The following TMEM41B variants were observed in gnomAD, a reference collection of about 807,000 sequenced individuals.
TMEM41B encodes the protein transmembrane protein 41B, also known as protein stasimon.
TMEM41B carries 18 observed loss-of-function variants against 31.9 expected under a neutral mutation model. That is an observed-to-expected ratio of 0.56 (90% CI 0.39 to 0.84). The LOEUF is 0.84. Among genes scored for constraint, TMEM41B ranks in the 40% least tolerant of loss-of-function variants. The pLI is 0.00. For missense variants in TMEM41B, 322 were observed against 348.0 expected (o/e 0.93, Z 0.59); for synonymous variants, 144 against 124.3 (o/e 1.16, Z -1.05).
chr11:9,308,599 C>T (rs1853457391), intron 1 of TMEM41B, among the ~76,000 whole-genome samples: 1 of 152,186 alleles, frequency 6.6e-6, no homozygotes, highest in Admixed American at 6.6e-5. Context: ...TCACTTTCTT[C>T]CTTCCTACAT....
intron 1 of TMEM41B, among the ~76,000 whole-genome samples, chr11:9,310,655 CTTT>C (rs36061977): frequency 0.026 from 2,843 of 109,152 alleles, 124 homozygotes; most frequent in African/African-American, 0.088. Flanking sequence ...GTTAAGAGCC[CTTT>C]TTTTTTTTTT....
At chr11:9,304,050 A>G (rs1279064395) in intron 1 of TMEM41B, among the ~76,000 whole-genome samples, 1 of 152,142 alleles carries the variant, frequency 6.6e-6, no homozygotes, top group Non-Finnish European at 1.5e-5. Context: ...TACTTATGAA[A>G]TTTACTGCAG....
intron 1 of TMEM41B, among the ~76,000 whole-genome samples, chr11:9,310,280 C>A (rs952180631): frequency 6.6e-6 from 1 of 151,874 alleles, no homozygotes; most frequent in African/African-American, 2.4e-5. Context: ...ATGTTCCGCC[C>A]GCCTCGGCCT....
chr11:9,309,300 C>A (rs1028470687), intron 1 of TMEM41B, among the ~76,000 whole-genome samples: 8 of 151,904 alleles, frequency 5.3e-5, no homozygotes, highest in African/African-American at 1.9e-4. Flanking sequence ...GCAACTGGCT[C>A]CAGCCTGATG....
intron 2 of TMEM41B, among the ~76,000 whole-genome samples, chr11:9,298,616 A>T (rs1350933738): frequency 1.3e-5 from 2 of 151,990 alleles, no homozygotes; most frequent in African/African-American, 4.8e-5. Context: ...AAATACAAAA[A>T]TTAGCCAGCC....
intron 1 of TMEM41B, chr11:9,311,169 G>A (rs566881306): frequency 4.9e-6 from 6 of 1,230,256 alleles, no homozygotes; most frequent in Non-Finnish European, 6.5e-6. Context: ...TCAGGCGGGG[G>A]TAGGGTGTGG....
chr11:9,299,602 T>G lies in TMEM41B; in HGVS notation c.221A>C (p.Asn74Thr). 6.2e-7 allele frequency: 1 copy of G among 1,609,912 alleles called. No homozygotes were observed. Among genetic ancestry groups the G allele is most frequent in the Non-Finnish European group, 8.5e-7 (1 of 1,177,850 alleles). The stretch of plus-strand genomic sequence containing the variant: ...TACTTACTCACTAAGCTGAGGAAAA[T>G]TTTTATATACCAAAAACATAACAAA... ...AAFVMFLVYK[N>T]FPQLSEEERV... The change falls in exon 2 of 7, where the codon AAT (asparagine) becomes ACT (threonine). Residue 74 changes from asparagine (N) to threonine (T), a missense_variant. By Grantham distance (65) the Asn-to-Thr change is moderately conservative. Coordinates refer to ENST00000528080, the MANE Select transcript of TMEM41B (RefSeq NM_015012.4).
intron 3 of TMEM41B, among the ~76,000 whole-genome samples, chr11:9,294,180 CAAAAAAAAAAAAAAAAA>C (rs538372314): frequency 4.1e-5 from 3 of 73,452 alleles, no homozygotes; most frequent in Non-Finnish European, 4.8e-5. Flanking sequence ...GAACCTGTCT[CAAAAAAAAAAAAAAAAA>C]AAAAAAAAAA....
chr11:9,298,942 G>A (rs1853168908), intron 2 of TMEM41B, among the ~76,000 whole-genome samples: 1 of 151,838 alleles, frequency 6.6e-6, no homozygotes, highest in South Asian at 2.1e-4. Context: ...ATACCAGGGT[G>A]GTATTACTAG....
At chr11:9,289,332 T>G (rs1852903460) in intron 3 of TMEM41B, among the ~76,000 whole-genome samples, 2 of 152,132 alleles carry the variant, frequency 1.3e-5, no homozygotes, top group African/African-American at 4.8e-5. Context: ...TTTTTTTTTT[T>G]TTTACTTTCC....
intron 1 of TMEM41B, among the ~76,000 whole-genome samples, chr11:9,311,032 C>G (rs1853548195): frequency 6.6e-6 from 1 of 151,942 alleles, no homozygotes; most frequent in Admixed American, 6.6e-5. Context: ...TCATCATCTT[C>G]AAAAAACAGC....
In TMEM41B at chr11:9,305,087, G is replaced by A. The variant is rs115340856; in HGVS notation, c.122-5386C>T. Among the ~76,000 whole-genome samples, 286 of 152,144 alleles carry A rather than the reference G, an allele frequency of 1.9e-3. 2 individuals carry two copies. The highest frequency in any genetic ancestry group is 2.6e-3 in the Non-Finnish European group (180 of 67,998). On this transcript the variant is annotated intron_variant, in intron 1 of 6. Transcript: ENST00000528080. ...GATTACTGGTATGAGCCATAGAACCGGGCTAGAAAACCTATTTAAACACAA... is the reference window on the plus strand; with the variant it reads ...GATTACTGGTATGAGCCATAGAACCAGGCTAGAAAACCTATTTAAACACAA...
At chr11:9,287,148 A>G (rs1320329371) in intron 5 of TMEM41B, among the ~76,000 whole-genome samples, 1 of 151,816 alleles carries the variant, frequency 6.6e-6, no homozygotes, top group African/African-American at 2.4e-5. Context: ...TCTACTAAAA[A>G]TACAAAAAAT....
chr11:9,288,358 T>C (rs1172067718), intron 4 of TMEM41B, 84 bp downstream of exon 4: 7 of 913,890 alleles, frequency 7.7e-6, no homozygotes, highest in Non-Finnish European at 9.8e-6. Flanking sequence ...TATGCTTACA[T>C]AGACTAGTAG....
In TMEM41B at chr11:9,311,168, G is replaced by A. The variant is rs1590392241; in HGVS notation, c.121+3153C>T. Reference sequence around the variant, plus strand: ...AACAGCAGGGTGAAGCTCAGGCGGGGGTAGGGTGTGGGGAGCACAAGGGCT... The same window carrying A: ...AACAGCAGGGTGAAGCTCAGGCGGGAGTAGGGTGTGGGGAGCACAAGGGCT... On this transcript the variant is annotated intron_variant, in intron 1 of 6. Coordinates refer to ENST00000528080, the MANE Select transcript of TMEM41B (RefSeq NM_015012.4). 48 of 1,219,860 alleles carry A rather than the reference G, an allele frequency of 3.9e-5. No individual in the cohort carries two copies. In the East Asian group the frequency reaches 1.1e-3, roughly 27 times the overall value. The allele number at this position is 1,219,860 out of a possible 1,614,324, so 75.6% of individuals were successfully genotyped here.
chr11:9,309,643 C>T (rs1853503781), intron 1 of TMEM41B, among the ~76,000 whole-genome samples: 1 of 151,592 alleles, frequency 6.6e-6, no homozygotes, highest in African/African-American at 2.4e-5. Context: ...ATATTGTCAG[C>T]CAGGCGCAGT....
chr11:9,307,196 T>C (rs4282978), intron 1 of TMEM41B, among the ~76,000 whole-genome samples: 83,653 of 151,920 alleles, frequency 0.55, 23,109 homozygotes, highest in East Asian at 0.6. Flanking sequence ...ACTGGTCATC[T>C]AGTCCATTAG....
At chr11:9,292,654 A>G (rs1029519779) in intron 3 of TMEM41B, among the ~76,000 whole-genome samples, 8 of 151,902 alleles carry the variant, frequency 5.3e-5, no homozygotes, top group Non-Finnish European at 1.0e-4. Flanking sequence ...AACATGATGA[A>G]ATCCCATCGC....
At chr11:9,285,244 T>C in intron 6 of TMEM41B, among the ~76,000 whole-genome samples, 1 of 151,976 alleles carries the variant, frequency 6.6e-6, no homozygotes, top group East Asian at 1.9e-4. Context: ...GCCACCACAT[T>C]CAGCTAATTT....
Sources: allele counts gnomAD v4.1 joint callset (sites outside exome capture counted in the v4.1 genomes callset), GRCh38; gene constraint gnomAD v4.1.1; transcripts MANE v1.5; gene names NCBI Gene and HGNC (gene_info 2026-07-23, HGNC 2026-07-21).